The following GOPC variants were observed in gnomAD, a reference collection of about 807,000 sequenced individuals.
GOPC encodes Golgi-associated PDZ and coiled-coil motif-containing protein.
A neutral mutation model predicts 51.2 loss-of-function variants in GOPC; 32 were observed. The ratio of observed to expected loss-of-function variants is 0.63; its 90% confidence interval spans 0.47 to 0.84. GOPC has a LOEUF of 0.84. Ranked by LOEUF, GOPC falls within the 40% of genes least tolerant of loss-of-function variation. The pLI, the probability that GOPC is intolerant of heterozygous loss-of-function variation, is 0.00. For synonymous variants in GOPC, 190 were observed against 205.1 expected (o/e 0.93, Z 0.63); for missense variants, 441 against 555.5 (o/e 0.79, Z 2.07).
intron 1 of GOPC, among the ~76,000 whole-genome samples, chr6:117,588,551 C>T (rs1408253373): frequency 3.3e-5 from 5 of 152,188 alleles, no homozygotes; most frequent in Non-Finnish European, 5.9e-5. Context: ...GCAAGGATTA[C>T]AGGCGTGAGT....
In GOPC at chr6:117,602,225, C is replaced by T; in HGVS notation, c.64G>A (p.Val22Met). The T allele has an allele frequency of 3.7e-6, 6 of 1,606,114 alleles. No individual in the cohort carries two copies. The highest frequency in any genetic ancestry group is 5.1e-6 in the Non-Finnish European group (6 of 1,179,950). ...ATGGATACCCCGCCAGGGGCCCCCA[C>T]GGAGCAGGAGGCGCCCCCTGGGCCC... is the stretch of plus-strand genomic sequence containing the variant. The part of the protein sequence containing the change: ...GGGPGGASCS[V>M]GAPGGVSMFR... The change falls in exon 1 of 9, where the codon GTG (valine) becomes ATG (methionine). Residue 22 changes from valine (V) to methionine (M), a missense_variant. By Grantham distance (21) the Val-to-Met change is conservative. Transcript: ENST00000368498.
At chr6:117,580,352 T>C (rs1779939965) in intron 1 of GOPC, among the ~76,000 whole-genome samples, 1 of 152,168 alleles carries the variant, frequency 6.6e-6, no homozygotes, top group Non-Finnish European at 1.5e-5. Context: ...TTTAAAACAG[T>C]GATAATATCC....
At position 117,560,457 on chromosome 6, in the gene GOPC, TAC is replaced by T. The variant is rs1779562742; in HGVS notation, c.*2795_*2796del. 1 of 191,434 alleles carries T rather than the reference TAC, an allele frequency of 5.2e-6. No homozygotes were observed. The highest frequency in any genetic ancestry group is 1.1e-5 in the Non-Finnish European group (1 of 91,184). The allele number at this position is 191,434 out of a possible 1,614,324, so 11.9% of individuals were successfully genotyped here. On this transcript the variant is annotated 3_prime_UTR_variant, in exon 9 of 9. Coordinates refer to ENST00000368498, the MANE Select transcript of GOPC (RefSeq NM_020399.4). ...AAGACTGGATAGATGGAATAGGGAT[TAC>T]ATAATCAGGATGTCAAATACTGTGC... is the stretch of plus-strand genomic sequence containing the variant.
rs1233123933 is a variant in GOPC, at chr6:117,561,071, G to A, written c.*2183C>T. The A allele has an allele frequency of 9.0e-6, 2 of 223,376 alleles. No individual in the cohort carries two copies. Among genetic ancestry groups the A allele is most frequent in the Non-Finnish European group, 1.8e-5 (2 of 111,872 alleles). 13.8% of individuals were successfully genotyped at this position (223,376 alleles called of 1,614,324 possible). ...GGACAGGAAGCTCACAGTAGCATCT[G>A]AGCAACGGTGCTCTCCCGTAGGCTT... On this transcript the variant is annotated 3_prime_UTR_variant, in exon 9 of 9. Coordinates refer to ENST00000368498, the MANE Select transcript of GOPC (RefSeq NM_020399.4).
At chr6:117,601,967 G>T (rs1253059203) in intron 1 of GOPC, 37 bp downstream of exon 1, 3 of 1,604,938 alleles carry the variant, frequency 1.9e-6, no homozygotes, top group African/African-American at 2.7e-5. Flanking sequence ...GGGCAGCCTG[G>T]GGTTGGATGC....
rs986758877 is a variant in GOPC at position 117,563,115 on chromosome 6, A to C, written c.*139T>G. On this transcript the variant is annotated 3_prime_UTR_variant, in exon 9 of 9. Transcript: ENST00000368498. Reference sequence around the variant, plus strand: ...GTGTTTTATGCATTGAGAATTGTTCACATGAAGCCCTGAGGTACCCGCCTT... The same window carrying C: ...GTGTTTTATGCATTGAGAATTGTTCCCATGAAGCCCTGAGGTACCCGCCTT... The C allele has an allele frequency of 1.7e-5, 12 of 709,294 alleles. No individual in the cohort carries two copies. The highest frequency in any genetic ancestry group is 3.6e-5 in the African/African-American group (2 of 56,194). The allele number at this position is 709,294 out of a possible 1,614,324, so 43.9% of individuals were successfully genotyped here.
chr6:117,576,057 G>A (rs1158261526), intron 3 of GOPC, among the ~76,000 whole-genome samples: 3 of 151,866 alleles, frequency 2.0e-5, no homozygotes, highest in Non-Finnish European at 4.4e-5. Flanking sequence ...ATATATTTTG[G>A]TACTAATTTA....
chr6:117,569,435 A>G, intron 7 of GOPC, 137 bp downstream of exon 7: 1 of 1,187,830 alleles, frequency 8.4e-7, no homozygotes, highest in South Asian at 1.6e-5. Flanking sequence ...GTCAGCTATA[A>G]AAGCATTAAA....
intron 6 of GOPC, 90 bp from the exon 7 acceptor site, chr6:117,569,826 T>C: frequency 7.3e-7 from 1 of 1,361,966 alleles, no homozygotes. Flanking sequence ...CTTAAAAATA[T>C]ATTTCATTAA....
chr6:117,573,335 TAAGTTG>T (rs1253397224), intron 5 of GOPC, 126 bp downstream of exon 5: 4 of 1,026,290 alleles, frequency 3.9e-6, no homozygotes, highest in Non-Finnish European at 5.5e-6. Context: ...CTACTTTGAA[TAAGTTG>T]AATCCCATTT....
At chr6:117,594,407 C>T (rs897153282) in intron 1 of GOPC, among the ~76,000 whole-genome samples, 22 of 152,148 alleles carry the variant, frequency 1.4e-4, no homozygotes, top group Admixed American at 1.3e-3. Flanking sequence ...AAAATAGGGT[C>T]TCATTTACTC....
At chr6:117,579,795 C>T (rs1250729850) in intron 1 of GOPC, among the ~76,000 whole-genome samples, 2 of 151,984 alleles carry the variant, frequency 1.3e-5, no homozygotes, top group East Asian at 1.9e-4. Context: ...TTCAACTCAA[C>T]ATAATTTTGC....
intron 3 of GOPC, among the ~76,000 whole-genome samples, chr6:117,577,127 C>T (rs1231091617): frequency 6.6e-6 from 1 of 152,050 alleles, no homozygotes; most frequent in Non-Finnish European, 1.5e-5. Context: ...CTTGATATAT[C>T]TTCAATACCC....
chr6:117,576,759 A>G (rs79694574), intron 3 of GOPC, among the ~76,000 whole-genome samples: 3,734 of 152,156 alleles, frequency 0.025, 131 homozygotes, highest in African/African-American at 0.085. Flanking sequence ...AACCATTTCT[A>G]GATTTCCAGA....
chr6:117,592,075 AT>A (rs890448389), intron 1 of GOPC, among the ~76,000 whole-genome samples: 2 of 152,216 alleles, frequency 1.3e-5, no homozygotes, highest in African/African-American at 4.8e-5. Context: ...GTTACAAAAA[AT>A]TAGCACAAGG....
intron 1 of GOPC, among the ~76,000 whole-genome samples, chr6:117,580,254 C>T (rs548298737): frequency 5.9e-5 from 9 of 152,052 alleles, no homozygotes; most frequent in Non-Finnish European, 1.3e-4. Context: ...ATAAAAGATG[C>T]TCAAATTTAA....
chr6:117,589,650 T>C (rs1780086921), intron 1 of GOPC, among the ~76,000 whole-genome samples: 2 of 152,050 alleles, frequency 1.3e-5, no homozygotes, highest in African/African-American at 4.8e-5. Flanking sequence ...GGCAGCTATG[T>C]GTAATATGAG....
intron 1 of GOPC, among the ~76,000 whole-genome samples, chr6:117,592,054 T>G (rs1334301337): frequency 6.6e-6 from 1 of 152,170 alleles, no homozygotes; most frequent in Non-Finnish European, 1.5e-5. Flanking sequence ...ATGTATAAAC[T>G]TCCTAGGGCT....
Position 117,563,308 on chromosome 6 carries a change from G to A in GOPC, c.1335C>T (p.Asp445=), listed in dbSNP as rs1314190224. The A allele has an allele frequency of 9.9e-6, 16 of 1,612,448 alleles. No individual in the cohort carries two copies. Among genetic ancestry groups the A allele is most frequent in the Admixed American group, 1.7e-5 (1 of 59,942 alleles). The change falls in exon 9 of 9, where the codon GAC becomes GAT. Residue 445 remains aspartate (D), a synonymous_variant. Coordinates refer to ENST00000368498, the MANE Select transcript of GOPC (RefSeq NM_020399.4). The part of the protein sequence containing the change: ...LGTASETPLD[D]GASKLDDLHT... ...GCAGATCATCTAATTTTGAAGCACC[G>A]TCATCTAGCGGAGTTTCACTTGCAG...
Sources: allele counts gnomAD v4.1 joint callset (sites outside exome capture counted in the v4.1 genomes callset), GRCh38; gene constraint gnomAD v4.1.1; transcripts MANE v1.5; gene names NCBI Gene and HGNC (gene_info 2026-07-23, HGNC 2026-07-21).